ADAMTS2: variants seen among roughly 807,000 people sequenced by gnomAD.
The protein encoded by ADAMTS2 is A disintegrin and metalloproteinase with thrombospondin motifs 2.
Under a neutral mutation model 123.0 loss-of-function variants are expected in ADAMTS2, and 50 were observed. The observed-to-expected ratio is 0.41, with a 90% CI of 0.32 to 0.51. The LOEUF is 0.51. Among genes scored for constraint, ADAMTS2 ranks in the 20% least tolerant of loss-of-function variants. The pLI, the probability that ADAMTS2 is intolerant of heterozygous loss-of-function variation, is 0.35. For synonymous variants in ADAMTS2, 678 were observed against 695.4 expected (o/e 0.98, Z 0.39); for missense variants, 1,494 against 1,705.2 (o/e 0.88, Z 2.18).
At chr5:179,146,848 T>C (rs1763258015) in intron 10 of ADAMTS2, among the ~76,000 whole-genome samples, 1 of 152,224 alleles carries the variant, frequency 6.6e-6, no homozygotes, top group African/African-American at 2.4e-5. Context: ...AATTAGAAAA[T>C]GATAAAAGGT....
chr5:179,207,740 AGCG>A, intron 3 of ADAMTS2, 25 bp from the exon 4 acceptor site: 3 of 1,605,210 alleles, frequency 1.9e-6, no homozygotes, highest in Non-Finnish European at 2.5e-6. Context: ...CACCGTCTTC[AGCG>A]GCAGGGCAAA....
intron 2 of ADAMTS2, among the ~76,000 whole-genome samples, chr5:179,322,571 G>A (rs79719856): frequency 0.063 from 9,625 of 152,222 alleles, 588 homozygotes; most frequent in African/African-American, 0.16. Flanking sequence ...AGGAGGCCGT[G>A]AGCCAATTCC....
At chr5:179,341,436 C>G (rs1757770198) in intron 2 of ADAMTS2, 1 of 299,810 alleles carries the variant, frequency 3.3e-6, no homozygotes, top group Non-Finnish European at 6.6e-6. Context: ...CGCAGTGGCT[C>G]ATGCCTGTAA....
rs756681525 is a variant in ADAMTS2, at chr5:179,225,312, G to A, written c.689-17597C>T. On this transcript the variant is annotated intron_variant, in intron 3 of 21. Coordinates refer to ENST00000251582, the MANE Select transcript of ADAMTS2 (RefSeq NM_014244.5). The surrounding 1 kb of genome is among the most constrained non-coding windows in gnomAD (Gnocchi z 4.5). Reference sequence around the variant, plus strand: ...AATCCAGCAATCCAAAAGGGAAATGGACAAACGGTATTGATACAAAAGTGC... The same window carrying A: ...AATCCAGCAATCCAAAAGGGAAATGAACAAACGGTATTGATACAAAAGTGC... Among the ~76,000 whole-genome samples, 1 of 152,194 alleles carries A rather than the reference G, an allele frequency of 6.6e-6. No individual in the cohort carries two copies. Among genetic ancestry groups the A allele is most frequent in the African/African-American group, 2.4e-5 (1 of 41,448 alleles).
At chr5:179,171,643 C>G (rs560656105) in intron 5 of ADAMTS2, among the ~76,000 whole-genome samples, 16 of 152,202 alleles carry the variant, frequency 1.1e-4, no homozygotes, top group Non-Finnish European at 2.1e-4. Flanking sequence ...TCCCCTACCC[C>G]CATCACTGCC....
chr5:179,279,249 A>G (rs1222803318), intron 2 of ADAMTS2, among the ~76,000 whole-genome samples: 4 of 152,174 alleles, frequency 2.6e-5, no homozygotes, highest in Non-Finnish European at 4.4e-5. Flanking sequence ...CATAGGAAGC[A>G]CACAGGTCCA....
chr5:179,248,717 C>A (rs1011949701), intron 3 of ADAMTS2, among the ~76,000 whole-genome samples: 3 of 151,802 alleles, frequency 2.0e-5, no homozygotes, highest in African/African-American at 7.2e-5. Context: ...ACACACCTAA[C>A]AACAGAATCC....
At chr5:179,206,479 C>G (rs554551968) in intron 4 of ADAMTS2, among the ~76,000 whole-genome samples, 9 of 152,166 alleles carry the variant, frequency 5.9e-5, no homozygotes, top group Non-Finnish European at 1.2e-4. Flanking sequence ...ACACGCAGCA[C>G]GGGGTTCTAG....
rs1473881307 is a variant in ADAMTS2, at chr5:179,170,926, A to G, written c.975+10146T>C. On this transcript the variant is annotated intron_variant, in intron 5 of 21. Transcript: ENST00000251582. The surrounding 1 kb of genome is among the most constrained non-coding windows in gnomAD (Gnocchi z 4.3). ...TCAGACACCTCAGAGACCTGAAAAC[A>G]GGGCCTCCCCCAGTGCTATGCAAAG... is the stretch of plus-strand genomic sequence containing the variant. 6.6e-6 allele frequency among the ~76,000 whole-genome samples: 1 copy of G among 152,214 alleles called. No individual in the cohort carries two copies. Among genetic ancestry groups the G allele is most frequent in the Non-Finnish European group, 1.5e-5 (1 of 68,038 alleles).
chr5:179,282,800 C>G (rs981750980), intron 2 of ADAMTS2, among the ~76,000 whole-genome samples: 7 of 152,158 alleles, frequency 4.6e-5, no homozygotes, highest in African/African-American at 1.7e-4. Context: ...CTTGGTCAGG[C>G]ATGGTGGCTC....
At chr5:179,193,335 G>A (rs1194621932) in intron 4 of ADAMTS2, among the ~76,000 whole-genome samples, 1 of 152,170 alleles carries the variant, frequency 6.6e-6, no homozygotes, top group African/African-American at 2.4e-5. Context: ...TTCCCCGCGT[G>A]CGATATCTTT....
rs1194648606 is a variant in ADAMTS2 at position 179,197,954 on chromosome 5, CAG to C, written c.891+9557_891+9558del. On this transcript the variant is annotated intron_variant, in intron 4 of 21. Transcript: ENST00000251582. The surrounding 1 kb of genome is among the most constrained non-coding windows in gnomAD (Gnocchi z 4.2). ...ATGGCCACAGCATCTGGTTTGTGAG[CAG>C]AGACTAGCCCAGGCGCTGGCAGAGC... Among the ~76,000 whole-genome samples the C allele has an allele frequency of 2.6e-5, 4 of 152,216 alleles. No individual in the cohort carries two copies. Among genetic ancestry groups the C allele is most frequent in the African/African-American group, 9.6e-5 (4 of 41,464 alleles).
rs774292311 is a variant in ADAMTS2 at position 179,113,832 on chromosome 5, G to GA, written c.*34dup. On this transcript the variant is annotated 3_prime_UTR_variant, in exon 22 of 22. Transcript: ENST00000251582. The stretch of plus-strand genomic sequence containing the variant: ...TCCCATGGAATATCTCTATAAGCAA[G>GA]AAAAAAATGCTAGGGATGCTATCTT... 571 of 1,602,696 alleles carry GA rather than the reference G, an allele frequency of 3.6e-4. 4 individuals are homozygous for GA. The highest frequency in any genetic ancestry group is 1.6e-4 in the Middle Eastern group (1 of 6,074).
At position 179,332,671 on chromosome 5, in the gene ADAMTS2, G is replaced by GCCAGTGT. The variant is rs1757513211; in HGVS notation, c.534+11095_534+11096insACACTGG. ...AGTGTGCTGGGATCAGTGGCCAGTG[G>GCCAGTGT]CCAGCCATCGTGCAGAGAGGGGAGG... On this transcript the variant is annotated intron_variant, in intron 2 of 21. Coordinates refer to ENST00000251582, the MANE Select transcript of ADAMTS2 (RefSeq NM_014244.5). This position sits in a 1 kb window ranked among gnomAD's most constrained non-coding sequence, Gnocchi z 4.2. 7.1e-6 allele frequency among the ~76,000 whole-genome samples: 1 copy of GCCAGTGT among 141,774 alleles called. No individual in the cohort carries two copies. The allele number at this position is 141,774 out of a possible 152,430, so 93.0% of individuals were successfully genotyped here. A position where few individuals can be genotyped will look rare whatever the true frequency, so the allele number is the denominator to read the frequency against.
intron 4 of ADAMTS2, among the ~76,000 whole-genome samples, chr5:179,184,465 C>G (rs572346776): frequency 6.8e-6 from 1 of 146,116 alleles, no homozygotes; most frequent in Non-Finnish European, 1.5e-5. Context: ...GAGCCGAGAT[C>G]GCGTCATTGC....
intron 3 of ADAMTS2, among the ~76,000 whole-genome samples, chr5:179,213,460 G>C (rs1283938127): frequency 6.6e-6 from 1 of 152,194 alleles, no homozygotes; most frequent in Non-Finnish European, 1.5e-5. Flanking sequence ...ACAGGTAACC[G>C]CAGGGCTGTG....
chr5:179,121,492 G>T, intron 21 of ADAMTS2, 169 bp downstream of exon 21: 1 of 516,348 alleles, frequency 1.9e-6, no homozygotes, highest in Non-Finnish European at 3.4e-6. Flanking sequence ...AGCGCGGCCC[G>T]GAGCGGACGC....
intron 3 of ADAMTS2, among the ~76,000 whole-genome samples, chr5:179,230,120 G>C (rs1304771538): frequency 6.6e-6 from 1 of 152,216 alleles, no homozygotes; most frequent in African/African-American, 2.4e-5. Context: ...TGGCCTGCCA[G>C]AGGAAACATA....
At chr5:179,217,769 GGGC>G (rs1765019302) in intron 3 of ADAMTS2, among the ~76,000 whole-genome samples, 1 of 63,406 alleles carries the variant, frequency 1.6e-5, no homozygotes, top group African/African-American at 6.4e-5. Flanking sequence ...GAGGGGGGAT[GGGC>G]ACACTCACTA....
Sources: gnomAD v4.1 joint callset for allele counts (sites outside exome capture counted in the v4.1 genomes callset) on GRCh38, gnomAD v4.1.1 for gene constraint, Gnocchi (gnomAD v3.1) non-coding constraint, MANE v1.5 for transcripts, NCBI Gene and HGNC (gene_info 2026-07-23, HGNC 2026-07-21) for gene names.